The following C1QTNF12 variants were observed in gnomAD, a reference collection of about 807,000 sequenced individuals.
The protein encoded by C1QTNF12 is adipolin.
In C1QTNF12, 39 loss-of-function variants were observed where a neutral mutation model predicts 34.3. The observed-to-expected ratio is 1.14, with a 90% CI of 0.88 to 1.49. The LOEUF (loss-of-function observed/expected upper bound fraction) is 1.49, where lower values mean the gene tolerates loss of function less well. Ranked by LOEUF, C1QTNF12 falls within the 40% of genes most tolerant of loss-of-function variation. The probability of loss-of-function intolerance (pLI) is 0.00; values close to 1 mark genes in which losing one functional copy is unlikely to be tolerated. For synonymous variants in C1QTNF12, 220 were observed against 196.9 expected, an observed-to-expected ratio of 1.12 and a Z score of -0.98; for missense variants, 497 against 424.7, an observed-to-expected ratio of 1.17 and a Z score of -1.50.
rs920698851 is a variant in C1QTNF12, at chr1:1,243,630, C to T, written c.532-78G>A. 1.3e-5 allele frequency: 16 copies of T among 1,195,848 alleles called. No individual in the cohort carries two copies. In the East Asian group the frequency reaches 3.3e-4, roughly 25 times the overall value. 74.1% of individuals were successfully genotyped at this position (1,195,848 alleles called of 1,614,324 possible). A position where few individuals can be genotyped will look rare whatever the true frequency, so the allele number is the denominator to read the frequency against. The stretch of plus-strand genomic sequence containing the variant: ...AGACCCCGCCTGGGGAAGGTGCCTG[C>T]AACCGACAGCCCCTCACTCGGAGCA... On this transcript the variant is annotated intron_variant, in intron 4 of 7. Transcript: ENST00000330388.
upstream of C1QTNF12, among the ~76,000 whole-genome samples, chr1:1,247,039 G>T (rs932900834): frequency 6.6e-6 from 1 of 151,974 alleles, no homozygotes; most frequent in African/African-American, 2.4e-5. Context: ...GGCCAGGGAC[G>T]GAGACGGGGC....
chr1:1,245,409 C>T (rs2101009643), intron 1 of C1QTNF12, among the ~76,000 whole-genome samples: 1 of 149,284 alleles, frequency 6.7e-6, no homozygotes, highest in Admixed American at 6.6e-5. Context: ...GAGCCAGAGG[C>T]AACAGAGAGC....
At position 1,243,977 on chromosome 1, in the gene C1QTNF12, C is replaced by G. The variant is rs761254031; in HGVS notation, c.508G>C (p.Val170Leu). The G allele has an allele frequency of 6.2e-7, 1 of 1,609,546 alleles. No homozygotes were observed. Among genetic ancestry groups the G allele is most frequent in the Non-Finnish European group, 8.5e-7 (1 of 1,178,676 alleles). The change falls in exon 4 of 8, where the codon GTG (valine) becomes CTG (leucine). Residue 170 changes from valine to leucine, a missense_variant. Coordinates refer to ENST00000330388, the MANE Select transcript of C1QTNF12 (RefSeq NM_001014980.3). ...ACAGCCTGGAAACCATGCAGCTCCA[C>G]CAGCGTCCGCTTGTCCACCCGGCGG... ...GPRRVDKRTL[V>L]ELHGFQAPAA...
Position 1,244,069 on chromosome 1 carries a change from G to A in C1QTNF12, c.416C>T (p.Pro139Leu), listed in dbSNP as rs375770614. 2.8e-5 allele frequency: 44 copies of A among 1,594,222 alleles called. No individual in the cohort carries two copies. Among genetic ancestry groups the A allele is most frequent in the Admixed American group, 2.1e-4 (12 of 56,878 alleles). The change falls in exon 4 of 8, where the codon CCG (proline) becomes CTG (leucine). Residue 139 changes from proline (P) to leucine (L), a missense_variant. Physicochemically the swap from Pro to Leu is moderately conservative, Grantham distance 98 (BLOSUM62 -3). Coordinates refer to ENST00000330388, the MANE Select transcript of C1QTNF12 (RefSeq NM_001014980.3). ...CAGGCCCGCCCCCTGGGGCAGCAGCGGGTCCAGAAGCCCTGAGAACCGGCG... is the reference window on the plus strand; with the variant it reads ...CAGGCCCGCCCCCTGGGGCAGCAGCAGGTCCAGAAGCCCTGAGAACCGGCG... The part of the protein sequence containing the change: ...TERRFSGLLD[P>L]LLPQGAGLRL...
chr1:1,243,252 G>A, intron 5 of C1QTNF12, 100 bp from the exon 6 acceptor site: 3 of 1,076,168 alleles, frequency 2.8e-6, no homozygotes, highest in Non-Finnish European at 4.0e-6. Flanking sequence ...CCCAGGAGTG[G>A]CTGCTGGGGC....
In C1QTNF12 at chr1:1,242,635, G is replaced by A. The variant is rs377167678; in HGVS notation, c.822C>T (p.Tyr274=). 4.1e-5 allele frequency: 66 copies of A among 1,592,368 alleles called. 1 individual carries two copies. Among genetic ancestry groups the A allele is most frequent in the Middle Eastern group, 3.3e-4 (2 of 6,032 alleles). Residue 274 remains tyrosine, a synonymous_variant, in exon 8 of 8, where the codon TAC becomes TAT. Coordinates refer to ENST00000330388, the MANE Select transcript of C1QTNF12 (RefSeq NM_001014980.3). The stretch of plus-strand genomic sequence containing the variant: ...AGCCATTGTCCACAAACACAGAAGC[G>A]TACTGTCCAGCCTGTAAGAAGCACG... The part of the protein sequence containing the change: ...QGLLQLQAGQ[Y]ASVFVDNGSG...
In C1QTNF12 at chr1:1,244,401, C is replaced by T. The variant is rs370713583; in HGVS notation, c.274G>A (p.Gly92Arg). Residue 92 changes from glycine to arginine, a missense_variant, in exon 2 of 8, where the codon GGA (glycine) becomes AGA (arginine). Transcript: ENST00000330388. ...PDDGALRKRCGSRDKKPRDLF... is the reference protein window; with the variant it reads ...PDDGALRKRCRSRDKKPRDLF... ...CTCACCGGCTTCTTGTCCCTGCTTC[C>T]GCACCGCTTCCTTAAGGCGCCGTCG... 27 of 1,611,766 alleles carry T rather than the reference C, an allele frequency of 1.7e-5. No individual in the cohort carries two copies. The Middle Eastern group carries it at 5.0e-4, about 30-fold the overall frequency.
Position 1,242,755 on chromosome 1 carries a change from C to T in C1QTNF12, c.810+80G>A, listed in dbSNP as rs112334831. 163 of 1,565,332 alleles carry T rather than the reference C, an allele frequency of 1.0e-4. No homozygotes were observed. The African/African-American group carries it at 1.5e-3, about 14-fold the overall frequency. ...GAGGTGCCGAGGCCCCAGAGGTCTG[C>T]GCCCTGAGTGCACCGAGCTCACACC... On this transcript the variant is annotated intron_variant, in intron 7 of 7. Coordinates refer to ENST00000330388, the MANE Select transcript of C1QTNF12 (RefSeq NM_001014980.3).
In C1QTNF12 at chr1:1,246,512, A is replaced by T; in HGVS notation, c.177+2T>A. 8.1e-7 allele frequency: 1 copy of T among 1,232,374 alleles called. No homozygotes were observed. Among genetic ancestry groups the T allele is most frequent in the Non-Finnish European group, 1.0e-6 (1 of 987,940 alleles). The allele number at this position is 1,232,374 out of a possible 1,614,324, so 76.3% of individuals were successfully genotyped here. A position where few individuals can be genotyped will look rare whatever the true frequency, so the allele number is the denominator to read the frequency against. ...GGGCCCACGTGCGTCCCGGCCGCGT[A>T]CCTTGGGGGCCTCGGGCAGCCCCTC... On this transcript the variant is annotated splice_donor_variant, in intron 1 of 7. Coordinates refer to ENST00000330388, the MANE Select transcript of C1QTNF12 (RefSeq NM_001014980.3). LOFTEE classifies it high-confidence loss of function. The surrounding 1 kb of genome is among the most constrained non-coding windows in gnomAD (Gnocchi z 4.5).
rs764140303 is a variant in C1QTNF12, at chr1:1,242,603, GC to G, written c.853del (p.Ala285ProfsTer38). 1.9e-6 allele frequency: 3 copies of G among 1,594,348 alleles called. No homozygotes were observed. Among genetic ancestry groups the G allele is most frequent in the South Asian group, 2.3e-5 (2 of 88,366 alleles). On this transcript the variant is annotated frameshift_variant, in exon 8 of 8. Transcript: ENST00000330388. LOFTEE classifies it high-confidence loss of function. The part of the protein sequence containing the change: ...ASVFVDNGSG[A>X]VLTIQAGSSF... ...GGAGCCCGCCTGGATGGTGAGGACG[GC>G]CCCGGAGCCATTGTCCACAAACACA... is the stretch of plus-strand genomic sequence containing the variant.
chr1:1,243,842 CCCCAG>C, intron 4 of C1QTNF12, 107 bp downstream of exon 4: 1 of 1,359,158 alleles, frequency 7.4e-7, no homozygotes, highest in Non-Finnish European at 1.0e-6. Flanking sequence ...CGAGCCCCGC[CCCCAG>C]CCCCCAACCC....
chr1:1,244,786 C>T (rs1638842536), intron 1 of C1QTNF12: 2 of 248,182 alleles, frequency 8.1e-6, no homozygotes, highest in Non-Finnish European at 1.4e-5. Context: ...TTCCCCCACT[C>T]ATCTCCCTCC....
intron 4 of C1QTNF12, 23 bp downstream of exon 4, chr1:1,243,931 T>G (rs1638808863): frequency 1.3e-6 from 2 of 1,595,988 alleles, no homozygotes; most frequent in African/African-American, 2.7e-5. Flanking sequence ...AACACCCCGC[T>G]CTAAGCTCCC....
Position 1,243,997 on chromosome 1 carries a change from C to G in C1QTNF12, c.488G>C (p.Arg163Pro). Residue 163 changes from arginine to proline, a missense_variant, in exon 4 of 8, where the codon CGG becomes CCG. By Grantham distance (103) the Arg-to-Pro change is moderately radical. Coordinates refer to ENST00000330388, the MANE Select transcript of C1QTNF12 (RefSeq NM_001014980.3). ...CTCCACCAGCGTCCGCTTGTCCACC[C>G]GGCGGGGACCCTGCAGCCGGCAGTG... ...AFHCRLQGPR[R>P]VDKRTLVELH... 2 of 1,606,420 alleles carry G rather than the reference C, an allele frequency of 1.2e-6. No individual in the cohort carries two copies. The highest frequency in any genetic ancestry group is 8.5e-7 in the Non-Finnish European group (1 of 1,177,372).
rs998572208 is a variant in C1QTNF12, at chr1:1,242,591, A to G, written c.866T>C (p.Ile289Thr). ...CCCGGAGAAGCTGGAGCCCGCCTGG[A>G]TGGTGAGGACGGCCCCGGAGCCATT... ...VDNGSGAVLTIQAGSSFSGLL... is the reference protein window; with the variant it reads ...VDNGSGAVLTTQAGSSFSGLL... Residue 289 changes from isoleucine (I) to threonine (T), a missense_variant, in exon 8 of 8, where the codon ATC becomes ACC. Physicochemically the swap from Ile to Thr is moderately conservative, Grantham distance 89. Transcript: ENST00000330388. The G allele has an allele frequency of 6.3e-7, 1 of 1,592,352 alleles. No homozygotes were observed. Among genetic ancestry groups the G allele is most frequent in the Admixed American group, 1.7e-5 (1 of 57,252 alleles).
At position 1,243,285 on chromosome 1, in the gene C1QTNF12, A is replaced by G. The variant is rs10047044; in HGVS notation, c.641-133T>C. 1.4e-5 allele frequency: 14 copies of G among 993,856 alleles called. No individual in the cohort carries two copies. In the Admixed American group the frequency reaches 3.3e-4, roughly 24 times the overall value. 61.6% of individuals were successfully genotyped at this position (993,856 alleles called of 1,614,324 possible). On this transcript the variant is annotated intron_variant, in intron 5 of 7. Coordinates refer to ENST00000330388, the MANE Select transcript of C1QTNF12 (RefSeq NM_001014980.3). ...GGCTGGGGAGGGGGCGCCTGAGGCC[A>G]GGCGTGCAGCAGGGACCCCATGCCC...
Position 1,246,428 on chromosome 1 carries a change from G to C in C1QTNF12, c.177+86C>G. On this transcript the variant is annotated intron_variant, in intron 1 of 7. Coordinates refer to ENST00000330388, the MANE Select transcript of C1QTNF12 (RefSeq NM_001014980.3). The surrounding 1 kb of genome is among the most constrained non-coding windows in gnomAD (Gnocchi z 4.5). Reference sequence around the variant, plus strand: ...GGGCGACCCGGAGGCAGAGCCGGCAGGGACAGAGCCTGCTGGGGGAGGACG... The same window carrying C: ...GGGCGACCCGGAGGCAGAGCCGGCACGGACAGAGCCTGCTGGGGGAGGACG... 1 of 1,137,494 alleles carries C rather than the reference G, an allele frequency of 8.8e-7. No homozygotes were observed. The highest frequency in any genetic ancestry group is 1.1e-6 in the Non-Finnish European group (1 of 903,242). The allele number at this position is 1,137,494 out of a possible 1,614,324, so 70.5% of individuals were successfully genotyped here. A position where few individuals can be genotyped will look rare whatever the true frequency, so the allele number is the denominator to read the frequency against.
chr1:1,243,840 G>T, intron 4 of C1QTNF12, 114 bp downstream of exon 4: 1 of 508,060 alleles, frequency 2.0e-6, no homozygotes. Context: ...TCCGAGCCCC[G>T]CCCCCAGCCC....
rs369714832 is a variant in C1QTNF12, at chr1:1,242,638, C to T, written c.819G>A (p.Gln273=). 1.9e-6 allele frequency: 3 copies of T among 1,590,566 alleles called. No homozygotes were observed. Among genetic ancestry groups the T allele is most frequent in the Admixed American group, 3.5e-5 (2 of 56,826 alleles). The change falls in exon 8 of 8, where the codon CAG becomes CAA. Residue 273 remains glutamine, a synonymous_variant. Coordinates refer to ENST00000330388, the MANE Select transcript of C1QTNF12 (RefSeq NM_001014980.3). ...CATTGTCCACAAACACAGAAGCGTA[C>T]TGTCCAGCCTGTAAGAAGCACGGGG... ...VQGLLQLQAG[Q]YASVFVDNGS... is the part of the protein sequence containing the mutation.
Sources: allele counts gnomAD v4.1 joint callset (sites outside exome capture counted in the v4.1 genomes callset), GRCh38; gene constraint gnomAD v4.1.1; non-coding constraint Gnocchi (gnomAD v3.1); transcripts MANE v1.5; gene names NCBI Gene and HGNC (gene_info 2026-07-23, HGNC 2026-07-21).